Variants in MXI1 observed in about 807,000 individuals in gnomAD.
The protein encoded by MXI1 is max-interacting protein 1.
In MXI1, 18 loss-of-function variants were observed where a neutral mutation model predicts 36.9. The observed-to-expected ratio is 0.49, with a 90% CI of 0.34 to 0.72. The LOEUF (loss-of-function observed/expected upper bound fraction) is 0.72, where lower values mean the gene tolerates loss of function less well. Ranked by LOEUF, MXI1 falls within the 30% of genes least tolerant of loss-of-function variation. MXI1 has a pLI of 0.01. For missense variants in MXI1, 304 were observed against 379.1 expected (o/e 0.80, Z 1.64); for synonymous variants, 160 against 146.7 (o/e 1.09, Z -0.65).
At chr10:110,249,532 T>A (rs1855994916) in intron 3 of MXI1, among the ~76,000 whole-genome samples, 1 of 147,168 alleles carries the variant, frequency 6.8e-6, no homozygotes, top group Non-Finnish European at 1.5e-5. Context: ...TGAGCCAAGA[T>A]CACACCACTG....
intron 3 of MXI1, among the ~76,000 whole-genome samples, chr10:110,272,024 C>G (rs1424113298): frequency 6.6e-6 from 1 of 152,170 alleles, no homozygotes; most frequent in African/African-American, 2.4e-5. Context: ...GACATAATCC[C>G]AGCCATGAGT....
At chr10:110,260,578 G>T (rs1856476699) in intron 3 of MXI1, among the ~76,000 whole-genome samples, 1 of 151,870 alleles carries the variant, frequency 6.6e-6, no homozygotes, top group African/African-American at 2.4e-5. Flanking sequence ...TTGGTACTTT[G>T]TAAATATCTA....
intron 2 of MXI1, among the ~76,000 whole-genome samples, chr10:110,240,857 G>T (rs988249289): frequency 2.6e-5 from 4 of 152,012 alleles, no homozygotes; most frequent in Admixed American, 6.6e-5. Flanking sequence ...ACAAAGTAGG[G>T]ATTGGCTCAT....
At chr10:110,259,008 G>A (rs1281247690) in intron 3 of MXI1, among the ~76,000 whole-genome samples, 1 of 152,038 alleles carries the variant, frequency 6.6e-6, no homozygotes, top group Non-Finnish European at 1.5e-5. Flanking sequence ...ACTGATGTGT[G>A]GGAAGAAATG....
chr10:110,218,261 T>C (rs1432248849), intron 1 of MXI1, among the ~76,000 whole-genome samples: 4 of 151,990 alleles, frequency 2.6e-5, no homozygotes, highest in African/African-American at 9.7e-5. Flanking sequence ...CCATTCTGGC[T>C]AACACGCTGA....
At chr10:110,277,967 G>C (rs1051566793) in intron 3 of MXI1, among the ~76,000 whole-genome samples, 14 of 152,210 alleles carry the variant, frequency 9.2e-5, no homozygotes, top group African/African-American at 3.4e-4. Context: ...GTGTGAATTA[G>C]CAAAACCATT....
At chr10:110,235,874 G>A (rs1175649118) in intron 2 of MXI1, among the ~76,000 whole-genome samples, 1 of 151,910 alleles carries the variant, frequency 6.6e-6, no homozygotes, top group Non-Finnish European at 1.5e-5. Context: ...AGGCATGGTG[G>A]CACACGCCAG....
At position 110,285,304 on chromosome 10, in the gene MXI1, CTCTT is replaced by C. The variant is rs1273898255; in HGVS notation, c.*321_*324del. ...AGAAGAGGACATTGGAGATGCCATCCTCTTTCTCTTTTCTAGTTTGCTCATACTA... is the reference window on the plus strand; with the variant it reads ...AGAAGAGGACATTGGAGATGCCATCCTCTCTTTTCTAGTTTGCTCATACTA... On this transcript the variant is annotated 3_prime_UTR_variant, in exon 6 of 6. Coordinates refer to ENST00000332674, the MANE Select transcript of MXI1 (RefSeq NM_130439.3). 11 of 212,532 alleles carry C rather than the reference CTCTT, an allele frequency of 5.2e-5. No individual in the cohort carries two copies. The highest frequency in any genetic ancestry group is 3.4e-4 in the Admixed American group (6 of 17,544). 13.2% of individuals were successfully genotyped at this position (212,532 alleles called of 1,614,324 possible).
At chr10:110,277,005 G>A (rs983218810) in intron 3 of MXI1, among the ~76,000 whole-genome samples, 3 of 151,930 alleles carry the variant, frequency 2.0e-5, no homozygotes, top group East Asian at 1.9e-4. Context: ...ACCACCATGC[G>A]CAGCTAACTT....
chr10:110,284,801 C>CTTGT, intron 5 of MXI1, 23 bp from the exon 6 acceptor site: 1 of 1,195,748 alleles, frequency 8.4e-7, no homozygotes, highest in South Asian at 1.5e-5. Context: ...TAATGTTCTT[C>CTTGT]TTTTTTTTTT....
intron 3 of MXI1, among the ~76,000 whole-genome samples, chr10:110,276,322 T>C (rs1377785551): frequency 1.3e-5 from 2 of 152,126 alleles, no homozygotes; most frequent in Non-Finnish European, 2.9e-5. Context: ...TCTCCATTTA[T>C]TCAGATTTTT....
chr10:110,284,942 C>T lies in MXI1; in HGVS notation c.843C>T (p.Asp281=), dbSNP rs930487399. 17 of 1,613,656 alleles carry T rather than the reference C, an allele frequency of 1.1e-5. No homozygotes were observed. The highest frequency in any genetic ancestry group is 4.4e-5 in the South Asian group (4 of 91,040). The change falls in exon 6 of 6, where the codon GAC becomes GAT. Residue 281 remains aspartate (D), a synonymous_variant. Coordinates refer to ENST00000332674, the MANE Select transcript of MXI1 (RefSeq NM_130439.3). ...DHSSLPSIGS[D]EGYSSASVKL... is the part of the protein sequence containing the mutation. ...GCAGCCTGCCGAGTATTGGGAGTGACGAGGGTTACTCCAGTGCCAGTGTCA... is the reference window on the plus strand; with the variant it reads ...GCAGCCTGCCGAGTATTGGGAGTGATGAGGGTTACTCCAGTGCCAGTGTCA...
At chr10:110,242,349 T>G (rs761023455) in intron 2 of MXI1, among the ~76,000 whole-genome samples, 17 of 152,064 alleles carry the variant, frequency 1.1e-4, no homozygotes, top group Non-Finnish European at 2.4e-4. Context: ...TCCTGTAGTG[T>G]AAGACAGCCT....
chr10:110,248,540 G>A (rs1467861214), intron 3 of MXI1, among the ~76,000 whole-genome samples: 1 of 152,094 alleles, frequency 6.6e-6, no homozygotes, highest in African/African-American at 2.4e-5. Flanking sequence ...TACCTGGGCT[G>A]TGTGTAATCT....
Position 110,237,286 on chromosome 10 carries a change from A to T in MXI1, c.408-7542A>T, listed in dbSNP as rs113083410. Among the ~76,000 whole-genome samples the T allele has an allele frequency of 7.0e-3, 1,064 of 152,326 alleles. 10 individuals are homozygous for T. Among genetic ancestry groups the T allele is most frequent in the African/African-American group, 0.02 (846 of 41,564 alleles). On this transcript the variant is annotated intron_variant, in intron 2 of 5. Coordinates refer to ENST00000332674, the MANE Select transcript of MXI1 (RefSeq NM_130439.3). ...ACATTCTTGCCCTGTTCCTGATCTTATGAAAAAATGCATTCTTTGACCATT... is the reference window on the plus strand; with the variant it reads ...ACATTCTTGCCCTGTTCCTGATCTTTTGAAAAAATGCATTCTTTGACCATT...
At chr10:110,275,095 G>T (rs137893451) in intron 3 of MXI1, among the ~76,000 whole-genome samples, 1,733 of 151,910 alleles carry the variant, frequency 0.011, 14 homozygotes, top group Non-Finnish European at 0.017. Flanking sequence ...GACTGGTCTC[G>T]AACTCCTGAC....
At position 110,276,818 on chromosome 10, in the gene MXI1, G is replaced by T. The variant is rs1207669168; in HGVS notation, c.438-2362G>T. 2.6e-4 allele frequency among the ~76,000 whole-genome samples: 39 copies of T among 150,320 alleles called. 1 individual carries two copies. The highest frequency in any genetic ancestry group is 2.6e-3 in the Admixed American group (39 of 15,102). On this transcript the variant is annotated intron_variant, in intron 3 of 5. Transcript: ENST00000332674. ...ATGTGAAAGTTTATGGAATCATTTTGATTTTCCTTTCTTTCTTTTCTTTTC... is the reference window on the plus strand; with the variant it reads ...ATGTGAAAGTTTATGGAATCATTTTTATTTTCCTTTCTTTCTTTTCTTTTC...
At chr10:110,227,894 CA>C in intron 1 of MXI1, 1 of 380,556 alleles carries the variant, frequency 2.6e-6, no homozygotes, top group Non-Finnish European at 4.9e-6. Flanking sequence ...TAACTGGTCA[CA>C]AAATTTTTGT....
At chr10:110,281,946 T>C (rs1218679038) in intron 5 of MXI1, among the ~76,000 whole-genome samples, 3 of 152,206 alleles carry the variant, frequency 2.0e-5, no homozygotes, top group African/African-American at 4.8e-5. Context: ...TTATTGCCCT[T>C]ATTTCATTGG....
Sources: allele counts gnomAD v4.1 joint callset (sites outside exome capture counted in the v4.1 genomes callset), GRCh38; gene constraint gnomAD v4.1.1; transcripts MANE v1.5; gene names NCBI Gene and HGNC (gene_info 2026-07-23, HGNC 2026-07-21).